PHRF1: variants seen among roughly 807,000 people sequenced by gnomAD.
The protein encoded by PHRF1 is PHD and RING finger domain-containing protein 1.
PHRF1 carries 53 observed loss-of-function variants against 128.9 expected under a neutral mutation model. The ratio of observed to expected loss-of-function variants is 0.41; its 90% CI spans 0.33 to 0.52. The LOEUF is 0.52. Among genes scored for constraint, PHRF1 ranks in the 20% least tolerant of loss-of-function variants. The pLI, the probability that PHRF1 is intolerant of heterozygous loss-of-function variation, is 0.21. For missense variants in PHRF1, 2,503 were observed against 2,284.5 expected (o/e 1.10, Z -1.95); for synonymous variants, 1,178 against 980.6 (o/e 1.20, Z -3.76).
At chr11:578,897 T>G (rs1447931760) in intron 1 of PHRF1, among the ~76,000 whole-genome samples, 1 of 151,994 alleles carries the variant, frequency 6.6e-6, no homozygotes, top group Non-Finnish European at 1.5e-5. Context: ...TGTCGCCCAG[T>G]GGCATGTAGT....
chr11:584,839 G>A (rs983700189), intron 3 of PHRF1, among the ~76,000 whole-genome samples: 5 of 147,498 alleles, frequency 3.4e-5, no homozygotes, highest in Non-Finnish European at 5.9e-5. Context: ...CCGGGTTCAA[G>A]CGATTCTCCT....
intron 6 of PHRF1, among the ~76,000 whole-genome samples, chr11:594,384 A>G (rs893006210): frequency 1.4e-4 from 22 of 152,236 alleles, no homozygotes; most frequent in Non-Finnish European, 2.6e-4. Context: ...GTTTTCACGC[A>G]CAAAGCCTGG....
At chr11:582,158 C>A in intron 3 of PHRF1, 77 bp downstream of exon 3, 1 of 1,541,568 alleles carries the variant, frequency 6.5e-7, no homozygotes, top group East Asian at 2.5e-5. Flanking sequence ...AACACATCCT[C>A]CGTGAGAGTG....
chr11:591,354 A>T (rs950071713), intron 4 of PHRF1, 30 bp from the exon 5 acceptor site: 2 of 1,564,106 alleles, frequency 1.3e-6, no homozygotes, highest in Non-Finnish European at 1.7e-6. Flanking sequence ...GTGATTGACA[A>T]GATTCTGATC....
intron 1 of PHRF1, among the ~76,000 whole-genome samples, chr11:580,390 G>A (rs557478265): frequency 1.3e-5 from 2 of 152,310 alleles, no homozygotes; most frequent in East Asian, 3.9e-4. Context: ...GAAGGGCAGG[G>A]GTCCCGGCTG....
chr11:600,910 G>A (rs1038357319), intron 9 of PHRF1, among the ~76,000 whole-genome samples: 2 of 151,874 alleles, frequency 1.3e-5, no homozygotes, highest in African/African-American at 2.4e-5. Context: ...AGATTGCAGT[G>A]AGCTGAGATC....
Position 611,095 on chromosome 11 carries a change from C to T in PHRF1, c.4806+13C>T, listed in dbSNP as rs755949255. The T allele has an allele frequency of 7.1e-5, 114 of 1,610,648 alleles. 1 individual carries two copies. The East Asian group carries it at 1.4e-3, about 20-fold the overall frequency. On this transcript the variant is annotated intron_variant, in intron 17 of 17. Transcript: ENST00000264555. ...GGCCGTGCAGAAGGTGGGCTGTGTG[C>T]GAGCCTGTGTGTGGGGCTCGGGGTC...
chr11:601,548 C>T, intron 9 of PHRF1, 26 bp from the exon 10 acceptor site: 2 of 1,613,260 alleles, frequency 1.2e-6, no homozygotes, highest in Non-Finnish European at 1.7e-6. Flanking sequence ...CACAGAGAAG[C>T]ACAGACTTCA....
At position 608,584 on chromosome 11, in the gene PHRF1, G is replaced by A. The variant is rs746718857; in HGVS notation, c.3128G>A (p.Arg1043Lys). The part of the protein sequence containing the change: ...ASPSVGEERP[R>K]RQRSKAKSRR... The stretch of plus-strand genomic sequence containing the variant: ...CCATCAGTGGGTGAGGAGCGCCCCA[G>A]GAGGCAGCGGTCCAAGGCCAAGAGC... Residue 1043 changes from arginine to lysine, a missense_variant, in exon 14 of 18, where the codon AGG becomes AAG. Physicochemically the swap from Arg to Lys is conservative, Grantham distance 26. Transcript: ENST00000264555. 1.2e-6 allele frequency: 2 copies of A among 1,612,278 alleles called. No homozygotes were observed. The highest frequency in any genetic ancestry group is 1.7e-6 in the Non-Finnish European group (2 of 1,179,794).
At position 605,698 on chromosome 11, in the gene PHRF1, C is replaced by T; in HGVS notation, c.1428C>T (p.Ala476=). The T allele has an allele frequency of 1.2e-6, 2 of 1,612,716 alleles. No individual in the cohort carries two copies. Among genetic ancestry groups the T allele is most frequent in the Non-Finnish European group, 1.7e-6 (2 of 1,179,820 alleles). ...RSALQSHQPV[A]RPVSVGLSRR... The stretch of plus-strand genomic sequence containing the variant: ...CCCTGCAGTCCCACCAGCCCGTGGC[C>T]AGGCCCGTCTCCGTGGGGCTTTCCA... Residue 476 remains alanine (A), a synonymous_variant, in exon 12 of 18, where the codon GCC becomes GCT. Transcript: ENST00000264555.
intron 4 of PHRF1, among the ~76,000 whole-genome samples, chr11:589,968 A>AGT (rs1564845434): frequency 7.5e-4 from 81 of 108,360 alleles, no homozygotes; most frequent in African/African-American, 3.1e-3. Flanking sequence ...TCAGCCTGAG[A>AGT]GTCTGCAAAC....
Position 601,643 on chromosome 11 carries a change from C to G in PHRF1, c.1094C>G (p.Ala365Gly), listed in dbSNP as rs756040853. 1 of 1,613,640 alleles carries G rather than the reference C, an allele frequency of 6.2e-7. No individual in the cohort carries two copies. The highest frequency in any genetic ancestry group is 8.5e-7 in the Non-Finnish European group (1 of 1,179,864). Reference sequence around the variant, plus strand: ...CCATCCGCAAAAAGTAAGAGCTCAGCGACAAGATCTAAGAAACGCCAACAT... The same window carrying G: ...CCATCCGCAAAAAGTAAGAGCTCAGGGACAAGATCTAAGAAACGCCAACAT... Reference protein sequence around the residue: ...SGPSAKSKSSATRSKKRQHRV... With the variant: ...SGPSAKSKSSGTRSKKRQHRV... The change falls in exon 10 of 18, where the codon GCG becomes GGG. Residue 365 changes from alanine to glycine, a missense_variant. Physicochemically the swap from Ala to Gly is moderately conservative, Grantham distance 60. Coordinates refer to ENST00000264555, the MANE Select transcript of PHRF1 (RefSeq NM_001286581.2).
At chr11:581,793 C>T (rs563381768) in intron 2 of PHRF1, among the ~76,000 whole-genome samples, 169 bp from the exon 3 acceptor site, 9 of 152,374 alleles carry the variant, frequency 5.9e-5, no homozygotes, top group Admixed American at 2.0e-4. Flanking sequence ...AAATGTTGAA[C>T]GAAAGGATGT....
At chr11:583,510 C>G (rs552599959) in intron 3 of PHRF1, among the ~76,000 whole-genome samples, 152 of 152,274 alleles carry the variant, frequency 1.0e-3, no homozygotes, top group Admixed American at 3.8e-3. Flanking sequence ...GAGCGAGACT[C>G]TGTCTCAAAA....
At chr11:611,612 G>A (rs778099573) in intron 17 of PHRF1, 22 bp from the exon 18 acceptor site, 2 of 1,612,734 alleles carry the variant, frequency 1.2e-6, no homozygotes, top group South Asian at 1.1e-5. Context: ...AGGGCATTTG[G>A]TGATTGCACC....
At chr11:605,022 CACT>C in intron 10 of PHRF1, 94 bp from the exon 11 acceptor site, 3 of 1,251,056 alleles carry the variant, frequency 2.4e-6, no homozygotes, top group Non-Finnish European at 3.3e-6. Flanking sequence ...CTCTAGTGTT[CACT>C]GTTGCTGATG....
chr11:598,914 C>A (rs1195285073), intron 9 of PHRF1, among the ~76,000 whole-genome samples: 1 of 152,222 alleles, frequency 6.6e-6, no homozygotes, highest in Non-Finnish European at 1.5e-5. Flanking sequence ...CTGCCCTGTT[C>A]AGGTTTTCAG....
In PHRF1 at chr11:609,266, C is replaced by T; in HGVS notation, c.3810C>T (p.Val1270=). Residue 1270 remains valine, a synonymous_variant, in exon 14 of 18, where the codon GTC becomes GTT. Coordinates refer to ENST00000264555, the MANE Select transcript of PHRF1 (RefSeq NM_001286581.2). ...GCGACTCCGTGGAGGCCGGACACGT[C>T]TTTGATGATTTCTCAAGCGACGCCG... ...DYGDSVEAGH[V]FDDFSSDAVF... The T allele has an allele frequency of 3.7e-6, 6 of 1,612,238 alleles. No individual in the cohort carries two copies. Among genetic ancestry groups the T allele is most frequent in the Non-Finnish European group, 5.1e-6 (6 of 1,179,892 alleles).
chr11:611,581 C>A, intron 17 of PHRF1, 53 bp from the exon 18 acceptor site: 1 of 1,609,632 alleles, frequency 6.2e-7, no homozygotes, highest in South Asian at 1.1e-5. Flanking sequence ...TGGGCTCTGG[C>A]CCGGAACATC....
Sources: gnomAD v4.1 joint callset for allele counts (sites outside exome capture counted in the v4.1 genomes callset) on GRCh38, gnomAD v4.1.1 for gene constraint, MANE v1.5 for transcripts, NCBI Gene and HGNC (gene_info 2026-07-23, HGNC 2026-07-21) for gene names.